The following NR3C2 variants were observed in gnomAD, a reference collection of about 807,000 sequenced individuals.
NR3C2 encodes nuclear receptor subfamily 3 group C member 2, also known as mineralocorticoid receptor.
In NR3C2, 15 loss-of-function variants were observed where a neutral mutation model predicts 86.4. The observed-to-expected ratio is 0.17, with a 90% confidence interval of 0.12 to 0.27. The LOEUF is 0.27. Among genes scored for constraint, NR3C2 ranks in the 10% least tolerant of loss-of-function variants. The pLI is 1.00. For missense variants in NR3C2, 960 were observed against 1,195.6 expected (o/e 0.80, Z 2.91); for synonymous variants, 458 against 450.5 (o/e 1.02, Z -0.21).
At chr4:148,331,572 T>C (rs952978070) in intron 2 of NR3C2, among the ~76,000 whole-genome samples, 1 of 152,258 alleles carries the variant, frequency 6.6e-6, no homozygotes, top group Non-Finnish European at 1.5e-5. Flanking sequence ...AATTGAACTT[T>C]TTCTTCTACA....
intron 2 of NR3C2, among the ~76,000 whole-genome samples, chr4:148,434,454 T>C (rs1579293949): frequency 6.6e-6 from 1 of 152,344 alleles, no homozygotes; most frequent in South Asian, 2.1e-4. Context: ...GTGACATATT[T>C]CACTTCCAAT....
intron 3 of NR3C2, among the ~76,000 whole-genome samples, chr4:148,210,816 C>T (rs1234549899): frequency 2.6e-5 from 4 of 152,202 alleles, no homozygotes; most frequent in East Asian, 1.9e-4. Context: ...ATATACAAAA[C>T]CACCACAATC....
At chr4:148,271,539 A>T (rs1295525813) in intron 2 of NR3C2, among the ~76,000 whole-genome samples, 1 of 152,148 alleles carries the variant, frequency 6.6e-6, no homozygotes, top group Non-Finnish European at 1.5e-5. Context: ...ACATAAAAAT[A>T]TAATATTTAT....
chr4:148,429,521 A>C (rs1352767098), intron 2 of NR3C2, among the ~76,000 whole-genome samples: 2 of 152,216 alleles, frequency 1.3e-5, no homozygotes, highest in Non-Finnish European at 2.9e-5. Context: ...TTTCTACATA[A>C]AAATTTTGGC....
rs1416620536 is a variant in NR3C2 at position 148,321,184 on chromosome 4, G to A, written c.1758-61067C>T. On this transcript the variant is annotated intron_variant, in intron 2 of 8. Coordinates refer to ENST00000358102, the MANE Select transcript of NR3C2 (RefSeq NM_000901.5). ...TTGTTCAGTTTCCATGTAGTTGAGC[G>A]GTTTTGAGTGAGATTCTTAATCCTG... Among the ~76,000 whole-genome samples the A allele has an allele frequency of 7.9e-5, 10 of 126,674 alleles. 1 individual carries two copies. The highest frequency in any genetic ancestry group is 1.6e-4 in the Non-Finnish European group (9 of 56,328). The allele number at this position is 126,674 out of a possible 152,430, so 83.1% of individuals were successfully genotyped here.
At chr4:148,177,342 T>C (rs1735423777) in intron 4 of NR3C2, among the ~76,000 whole-genome samples, 1 of 152,208 alleles carries the variant, frequency 6.6e-6, no homozygotes, top group African/African-American at 2.4e-5. Context: ...ATACTAATGA[T>C]ATTGAATATC....
chr4:148,085,519 A>G (rs2149705543), intron 8 of NR3C2, among the ~76,000 whole-genome samples: 1 of 152,382 alleles, frequency 6.6e-6, no homozygotes, highest in East Asian at 1.9e-4. Context: ...TTATAGCACT[A>G]AATGCCCACA....
At chr4:148,250,267 T>C (rs1739514529) in intron 3 of NR3C2, among the ~76,000 whole-genome samples, 1 of 152,152 alleles carries the variant, frequency 6.6e-6, no homozygotes, top group Admixed American at 6.5e-5. Flanking sequence ...GAGCAAAATA[T>C]TACATGAAAA....
chr4:148,310,245 T>A (rs1040341374), intron 2 of NR3C2, among the ~76,000 whole-genome samples: 3 of 152,210 alleles, frequency 2.0e-5, no homozygotes, highest in Admixed American at 6.5e-5. Context: ...CTGGTGCTCA[T>A]TTCATCATAC....
At chr4:148,264,786 G>A (rs994881375) in intron 2 of NR3C2, among the ~76,000 whole-genome samples, 2 of 152,086 alleles carry the variant, frequency 1.3e-5, no homozygotes, top group African/African-American at 2.4e-5. Context: ...TAAAAACAAC[G>A]TATTCTGAAA....
At chr4:148,394,080 T>C (rs1747732175) in intron 2 of NR3C2, among the ~76,000 whole-genome samples, 1 of 151,520 alleles carries the variant, frequency 6.6e-6, no homozygotes, top group East Asian at 1.9e-4. Flanking sequence ...GGTTACTAAA[T>C]AGTGAAAGAA....
At chr4:148,135,505 A>C (rs903925523) in intron 6 of NR3C2, among the ~76,000 whole-genome samples, 2 of 152,166 alleles carry the variant, frequency 1.3e-5, no homozygotes, top group African/African-American at 4.8e-5. Flanking sequence ...AGCCTCTAGG[A>C]CTGTAAGAAA....
At chr4:148,260,616 A>G (rs1401647641) in intron 2 of NR3C2, among the ~76,000 whole-genome samples, 2 of 152,192 alleles carry the variant, frequency 1.3e-5, no homozygotes, top group East Asian at 3.8e-4. Context: ...TCTTGTCTCA[A>G]CTGCCAGTAA....
At chr4:148,170,409 C>T (rs1258346832) in intron 4 of NR3C2, among the ~76,000 whole-genome samples, 1 of 151,226 alleles carries the variant, frequency 6.6e-6, no homozygotes, top group Admixed American at 6.7e-5. Flanking sequence ...TAACAGAAGT[C>T]ATAAACTCAA....
chr4:148,094,205 CA>C (rs927431240), intron 8 of NR3C2, among the ~76,000 whole-genome samples: 31 of 152,042 alleles, frequency 2.0e-4, no homozygotes, highest in African/African-American at 7.2e-4. Flanking sequence ...AACAGGCATT[CA>C]AAAAACAGTG....
At chr4:148,093,763 T>C (rs1731159580) in intron 8 of NR3C2, among the ~76,000 whole-genome samples, 2 of 152,138 alleles carry the variant, frequency 1.3e-5, no homozygotes, top group Admixed American at 6.5e-5. Context: ...TATAAGAAGT[T>C]TGGCCTTTAT....
chr4:148,134,579 CAGTG>C (rs147549395), intron 6 of NR3C2, among the ~76,000 whole-genome samples: 4,779 of 148,044 alleles, frequency 0.032, 280 homozygotes, highest in African/African-American at 0.11. Context: ...TGCTTAGAAG[CAGTG>C]AGTGTTAAGG....
At chr4:148,410,475 C>G (rs1020960597) in intron 2 of NR3C2, among the ~76,000 whole-genome samples, 7 of 152,098 alleles carry the variant, frequency 4.6e-5, no homozygotes, top group African/African-American at 1.7e-4. Context: ...TAAGCAATAA[C>G]AGTAGTTTAT....
chr4:148,233,304 C>T (rs1485488674), intron 3 of NR3C2, among the ~76,000 whole-genome samples: 1 of 151,288 alleles, frequency 6.6e-6, no homozygotes, highest in African/African-American at 2.4e-5. Context: ...ATGTGCAACT[C>T]TTCTTTTCAC....
Sources: allele counts gnomAD v4.1 joint callset (sites outside exome capture counted in the v4.1 genomes callset), GRCh38; gene constraint gnomAD v4.1.1; transcripts MANE v1.5; gene names NCBI Gene and HGNC (gene_info 2026-07-23, HGNC 2026-07-21).